Variants in PRDM16 observed in about 807,000 individuals in gnomAD.
PRDM16 encodes PR/SET domain 16, also known as histone-lysine N-methyltransferase PRDM16.
PRDM16 carries 23 observed loss-of-function variants against 110.6 expected under a neutral mutation model. The ratio of observed to expected loss-of-function variants is 0.21; its 90% CI spans 0.15 to 0.29. The LOEUF (loss-of-function observed/expected upper bound fraction) is 0.29, where lower values mean the gene tolerates loss of function less well. Ranked by LOEUF, PRDM16 falls within the 10% of genes least tolerant of loss-of-function variation. PRDM16 has a pLI of 1.00. For missense variants in PRDM16, 1,615 were observed against 1,794.3 expected (o/e 0.90, Z 1.81); for synonymous variants, 799 against 781.8 (o/e 1.02, Z -0.37).
chr1:3,090,390 G>A (rs1642248460), intron 1 of PRDM16, among the ~76,000 whole-genome samples: 1 of 152,286 alleles, frequency 6.6e-6, no homozygotes, highest in African/African-American at 2.4e-5. Flanking sequence ...CTGAGGCTGG[G>A]TGGGGATTGG....
intron 1 of PRDM16, among the ~76,000 whole-genome samples, chr1:3,091,061 C>T (rs1457142932): frequency 6.6e-6 from 1 of 152,246 alleles, no homozygotes; most frequent in Non-Finnish European, 1.5e-5. Context: ...TAACCCCGAG[C>T]TCTAGCTCTG....
intron 1 of PRDM16, among the ~76,000 whole-genome samples, chr1:3,134,062 G>A (rs1042788681): frequency 6.6e-6 from 1 of 152,244 alleles, no homozygotes; most frequent in African/African-American, 2.4e-5. Context: ...GTGTCCAGTT[G>A]TGTCACGAGT....
intron 3 of PRDM16, among the ~76,000 whole-genome samples, chr1:3,380,551 T>C (rs1167744480): frequency 1.3e-5 from 2 of 152,070 alleles, no homozygotes; most frequent in African/African-American, 4.8e-5. Context: ...GGGGAGTTGT[T>C]GCCTCTGGTC....
intron 3 of PRDM16, among the ~76,000 whole-genome samples, chr1:3,258,383 A>G (rs1640093096): frequency 6.6e-6 from 1 of 152,156 alleles, no homozygotes; most frequent in Non-Finnish European, 1.5e-5. Flanking sequence ...TTATTGAGTA[A>G]TATTTCCCTC....
chr1:3,280,898 G>A (rs1266713950), intron 3 of PRDM16, among the ~76,000 whole-genome samples: 1 of 152,188 alleles, frequency 6.6e-6, no homozygotes, highest in Non-Finnish European at 1.5e-5. Context: ...ACAATGCGGA[G>A]CCCCCAGGGC....
rs1320110188 is a variant in PRDM16 at position 3,382,671 on chromosome 1, TCCCTGGG to T, written c.439-2479_439-2473del. 1.3e-5 allele frequency among the ~76,000 whole-genome samples: 2 copies of T among 152,084 alleles called. No homozygotes were observed. Among genetic ancestry groups the T allele is most frequent in the African/African-American group, 4.8e-5 (2 of 41,410 alleles). On this transcript the variant is annotated intron_variant, in intron 3 of 16. Transcript: ENST00000270722. This position sits in a 1 kb window ranked among gnomAD's most constrained non-coding sequence, Gnocchi z 6.6. ...AAGTGGCCTGAGCCCCATCAGCTGG[TCCCTGGG>T]CTGAGGGGGATGCACTCAGGAGCAC...
chr1:3,361,258 A>G (rs558158273), intron 3 of PRDM16, among the ~76,000 whole-genome samples: 1 of 152,164 alleles, frequency 6.6e-6, no homozygotes, highest in Admixed American at 6.5e-5. Context: ...CCTCCTCAGC[A>G]TGGGCTTCAG....
intron 1 of PRDM16, among the ~76,000 whole-genome samples, chr1:3,172,943 A>T (rs1464441612): frequency 6.6e-6 from 1 of 152,228 alleles, no homozygotes; most frequent in Non-Finnish European, 1.5e-5. Context: ...GATACATTTG[A>T]TGTTACATGT....
intron 5 of PRDM16, among the ~76,000 whole-genome samples, chr1:3,400,137 C>T (rs911806534): frequency 6.6e-6 from 1 of 152,232 alleles, no homozygotes; most frequent in African/African-American, 2.4e-5. Context: ...CCTGCTTCCT[C>T]GGCCCCAAAA....
rs533271525 is a variant in PRDM16 at position 3,426,349 on chromosome 1, G to A, written c.3284+124G>A. On this transcript the variant is annotated intron_variant, in intron 14 of 16. Coordinates refer to ENST00000270722, the MANE Select transcript of PRDM16 (RefSeq NM_022114.4). The stretch of plus-strand genomic sequence containing the variant: ...CTAACACATCCAGATAGGCGCAGTG[G>A]GGGCCTCACCACAGAGGGTGAGGCC... 2.7e-5 allele frequency: 20 copies of A among 731,070 alleles called. 1 individual carries two copies. In the African/African-American group the frequency reaches 3.3e-4, roughly 12 times the overall value. The allele number at this position is 731,070 out of a possible 1,614,324, so 45.3% of individuals were successfully genotyped here.
chr1:3,295,846 G>A (rs1641077960), intron 3 of PRDM16, among the ~76,000 whole-genome samples: 3 of 152,148 alleles, frequency 2.0e-5, no homozygotes, highest in African/African-American at 2.4e-5. Context: ...CTGCCTCTCC[G>A]GAGGGCTGCC....
chr1:3,114,145 GCACA>G (rs1473252822), intron 1 of PRDM16, among the ~76,000 whole-genome samples: 2 of 149,760 alleles, frequency 1.3e-5, no homozygotes, highest in East Asian at 3.9e-4. Context: ...TCTGCACACT[GCACA>G]CACGCACACA....
At chr1:3,267,465 G>A (rs1442377678) in intron 3 of PRDM16, among the ~76,000 whole-genome samples, 1 of 152,204 alleles carries the variant, frequency 6.6e-6, no homozygotes, top group South Asian at 2.1e-4. Context: ...TGTGAATCGT[G>A]TTGCTCTGGG....
At chr1:3,422,794 G>A (rs930268430) in intron 12 of PRDM16, among the ~76,000 whole-genome samples, 2 of 152,212 alleles carry the variant, frequency 1.3e-5, no homozygotes, top group East Asian at 1.9e-4. Context: ...CTGCAGCGCC[G>A]CCCAGGGCAG....
rs188087149 is a variant in PRDM16, at chr1:3,258,862, C to G, written c.438+14725C>G. Among the ~76,000 whole-genome samples, 599 of 152,350 alleles carry G rather than the reference C, an allele frequency of 3.9e-3. 11 individuals carry two copies. The highest frequency in any genetic ancestry group is 3.4e-3 in the Middle Eastern group (1 of 294). ...CCAGGCCAGGGCTTTCTTCTTGCCT[C>G]CCAAACCTGAGGCTCTGGGTTACCA... On this transcript the variant is annotated intron_variant, in intron 3 of 16. Coordinates refer to ENST00000270722, the MANE Select transcript of PRDM16 (RefSeq NM_022114.4).
chr1:3,434,168 G>A lies in PRDM16; in HGVS notation c.*357G>A, dbSNP rs746865241. 7 of 320,210 alleles carry A rather than the reference G, an allele frequency of 2.2e-5. No homozygotes were observed. Among genetic ancestry groups the A allele is most frequent in the African/African-American group, 4.2e-5 (2 of 48,086 alleles). 19.8% of individuals were successfully genotyped at this position (320,210 alleles called of 1,614,324 possible). Reference sequence around the variant, plus strand: ...CACTGCCGGGTGCCCGCGTGGGGTCGCGGAAGGGAATGGATAGACTGGTGT... The same window carrying A: ...CACTGCCGGGTGCCCGCGTGGGGTCACGGAAGGGAATGGATAGACTGGTGT... On this transcript the variant is annotated 3_prime_UTR_variant, in exon 17 of 17. Coordinates refer to ENST00000270722, the MANE Select transcript of PRDM16 (RefSeq NM_022114.4).
chr1:3,327,303 A>T (rs1282961607), intron 3 of PRDM16, among the ~76,000 whole-genome samples: 1 of 152,182 alleles, frequency 6.6e-6, no homozygotes, highest in Non-Finnish European at 1.5e-5. Flanking sequence ...GCGGCACCAC[A>T]GGCCGGCTGG....
chr1:3,427,233 C>T (rs1638636087), intron 14 of PRDM16, among the ~76,000 whole-genome samples: 1 of 152,222 alleles, frequency 6.6e-6, no homozygotes, highest in Admixed American at 6.5e-5. Context: ...TTCAGACACC[C>T]CAGCGGGGCT....
rs942144060 is a variant in PRDM16 at position 3,080,863 on chromosome 1, G to A, written c.37+11567G>A. Reference sequence around the variant, plus strand: ...AGAGACTCGGCGTCTCCGACCCTGAGCCCACATGAGTAGCAGAACCCCGGC... The same window carrying A: ...AGAGACTCGGCGTCTCCGACCCTGAACCCACATGAGTAGCAGAACCCCGGC... On this transcript the variant is annotated intron_variant, in intron 1 of 16. Coordinates refer to ENST00000270722, the MANE Select transcript of PRDM16 (RefSeq NM_022114.4). This position sits in a 1 kb window ranked among gnomAD's most constrained non-coding sequence, Gnocchi z 5.2. 6.6e-6 allele frequency among the ~76,000 whole-genome samples: 1 copy of A among 152,102 alleles called. No homozygotes were observed. Among genetic ancestry groups the A allele is most frequent in the African/African-American group, 2.4e-5 (1 of 41,408 alleles).
Sources: gnomAD v4.1 joint callset for allele counts (sites outside exome capture counted in the v4.1 genomes callset) on GRCh38, gnomAD v4.1.1 for gene constraint, Gnocchi (gnomAD v3.1) non-coding constraint, MANE v1.5 for transcripts, NCBI Gene and HGNC (gene_info 2026-07-23, HGNC 2026-07-21) for gene names.